Variants in AKAP10 observed in about 807,000 individuals in gnomAD.
The protein encoded by AKAP10 is A-kinase anchor protein 10, mitochondrial.
AKAP10 carries 24 observed loss-of-function variants against 80.8 expected under a neutral mutation model. That is an observed-to-expected ratio of 0.30 (90% confidence interval 0.22 to 0.42). The LOEUF (loss-of-function observed/expected upper bound fraction) is 0.42, where lower values mean the gene tolerates loss of function less well. Ranked by LOEUF, AKAP10 falls within the 10% of genes least tolerant of loss-of-function variation. AKAP10 has a pLI of 1.00. For synonymous variants in AKAP10, 291 were observed against 277.7 expected, an observed-to-expected ratio of 1.05 and a Z score of -0.48; for missense variants, 661 against 794.9, an observed-to-expected ratio of 0.83 and a Z score of 2.03.
At chr17:19,917,005 C>A (rs1246964849) in intron 12 of AKAP10, among the ~76,000 whole-genome samples, 1 of 151,882 alleles carries the variant, frequency 6.6e-6, no homozygotes, top group Non-Finnish European at 1.5e-5. Flanking sequence ...TGGCTCACGC[C>A]TGTAACTCCA....
chr17:19,947,346 A>C, intron 5 of AKAP10, 61 bp downstream of exon 5: 1 of 1,285,740 alleles, frequency 7.8e-7, no homozygotes, highest in Non-Finnish European at 1.1e-6. Flanking sequence ...AATAACGAAA[A>C]TTGTCAGTTC....
At chr17:19,931,754 G>T in intron 10 of AKAP10, 51 bp downstream of exon 10, 1 of 1,540,490 alleles carries the variant, frequency 6.5e-7, no homozygotes, top group African/African-American at 1.4e-5. Context: ...GGATGTGAAG[G>T]AAAGGATGTG....
At chr17:19,967,752 G>A (rs1263456007) in intron 2 of AKAP10, among the ~76,000 whole-genome samples, 27 of 152,032 alleles carry the variant, frequency 1.8e-4, no homozygotes, top group Admixed American at 1.6e-3. Flanking sequence ...GCATGGTGGC[G>A]GCCACCTGTA....
intron 3 of AKAP10, 59 bp from the exon 4 acceptor site, chr17:19,958,630 A>G: frequency 6.2e-6 from 9 of 1,453,472 alleles, no homozygotes; most frequent in Non-Finnish European, 8.3e-6. Context: ...AGATTGACAG[A>G]TTAGTCAATC....
rs751945758 is a variant in AKAP10 at position 19,941,866 on chromosome 17, C to A, written c.1021G>T (p.Val341Phe). 1.2e-6 allele frequency: 2 copies of A among 1,610,460 alleles called. No individual in the cohort carries two copies. The highest frequency in any genetic ancestry group is 1.7e-6 in the Non-Finnish European group (2 of 1,178,356). ...CTAAAGACTATGGACTGTGCCAAAA[C>A]GAAACAGTTGGGATCCACCTGTCCA... ...EDGQVDPNCF[V>F]LAQSIVFSAM... Residue 341 changes from valine to phenylalanine, a missense_variant, in exon 6 of 15, where the codon GTT becomes TTT. Physicochemically the swap from Val to Phe is conservative, Grantham distance 50. Coordinates refer to ENST00000225737, the MANE Select transcript of AKAP10 (RefSeq NM_007202.4).
rs1327455850 is a variant in AKAP10 at position 19,926,735 on chromosome 17, C to A, written c.1642-2218G>T. ...CCCAAGGAGGTGAAAGGCTTCTACT[C>A]TGAAAACTACAAAATTCTGCTGAAA... On this transcript the variant is annotated intron_variant, in intron 10 of 14. Transcript: ENST00000225737. Among the ~76,000 whole-genome samples the A allele has an allele frequency of 3.3e-5, 5 of 152,228 alleles. No homozygotes were observed. The East Asian group carries it at 9.6e-4, about 29-fold the overall frequency.
In AKAP10 at chr17:19,917,163, G is replaced by A. The variant is rs144691897; in HGVS notation, c.1834+2873C>T. On this transcript the variant is annotated intron_variant, in intron 12 of 14. Coordinates refer to ENST00000225737, the MANE Select transcript of AKAP10 (RefSeq NM_007202.4). ...ACCTGTAGTCCCAGCTACTTGGGAG[G>A]CTGAGGCAGGAGAATGGTGTGAACC... 2.6e-3 allele frequency among the ~76,000 whole-genome samples: 398 copies of A among 151,604 alleles called. 14 individuals carry two copies. The East Asian group carries it at 0.073, about 28-fold the overall frequency.
At chr17:19,925,692 T>C (rs2042868840) in intron 10 of AKAP10, among the ~76,000 whole-genome samples, 1 of 152,008 alleles carries the variant, frequency 6.6e-6, no homozygotes, top group African/African-American at 2.4e-5. Context: ...CAGACACTTA[T>C]AGACCTCTCT....
chr17:19,906,573 A>G (rs1045132268), intron 14 of AKAP10, among the ~76,000 whole-genome samples: 1 of 152,214 alleles, frequency 6.6e-6, no homozygotes, highest in Non-Finnish European at 1.5e-5. Flanking sequence ...CCTAGAGCAT[A>G]TTCAAGAGGG....
chr17:19,925,789 G>C (rs916083914), intron 10 of AKAP10, among the ~76,000 whole-genome samples: 2 of 152,146 alleles, frequency 1.3e-5, no homozygotes, highest in African/African-American at 4.8e-5. Flanking sequence ...AAAAAAGAAA[G>C]AGGGACCAGA....
intron 14 of AKAP10, among the ~76,000 whole-genome samples, chr17:19,907,497 A>G (rs2042644054): frequency 6.8e-6 from 1 of 147,422 alleles, no homozygotes; most frequent in African/African-American, 2.5e-5. Context: ...CTGCAACCTC[A>G]ACCTCCACCT....
At chr17:19,949,457 A>G (rs2043173279) in intron 4 of AKAP10, among the ~76,000 whole-genome samples, 1 of 152,146 alleles carries the variant, frequency 6.6e-6, no homozygotes, top group African/African-American at 2.4e-5. Context: ...GAAAAGAGAA[A>G]AAGTGCAATG....
intron 5 of AKAP10, among the ~76,000 whole-genome samples, chr17:19,946,262 TATATATATA>T (rs2043123776): frequency 2.4e-4 from 7 of 29,640 alleles, no homozygotes; most frequent in African/African-American, 9.9e-4. Flanking sequence ...TATATATATA[TATATATATA>T]TATATTTTTT....
intron 4 of AKAP10, among the ~76,000 whole-genome samples, chr17:19,949,323 G>A (rs2043171321): frequency 6.6e-6 from 1 of 151,850 alleles, no homozygotes; most frequent in Admixed American, 6.6e-5. Flanking sequence ...TGAATTTGAA[G>A]ACAGATGAAT....
chr17:19,969,609 C>T (rs1454848961), intron 1 of AKAP10, among the ~76,000 whole-genome samples: 2 of 151,878 alleles, frequency 1.3e-5, no homozygotes, highest in Non-Finnish European at 2.9e-5. Flanking sequence ...AAAACGTGCC[C>T]ATCTCTGTAT....
At chr17:19,923,741 T>C (rs1167363361) in intron 11 of AKAP10, among the ~76,000 whole-genome samples, 3 of 151,872 alleles carry the variant, frequency 2.0e-5, no homozygotes, top group African/African-American at 7.3e-5. Context: ...TTAGCCAGGA[T>C]GGTCTCAATC....
chr17:19,931,308 CATG>C (rs1376729700), intron 10 of AKAP10, among the ~76,000 whole-genome samples: 1 of 151,564 alleles, frequency 6.6e-6, no homozygotes, highest in Non-Finnish European at 1.5e-5. Flanking sequence ...AATGAAACAG[CATG>C]ATACTTTACA....
At chr17:19,927,199 T>C (rs892094874) in intron 10 of AKAP10, among the ~76,000 whole-genome samples, 3 of 152,014 alleles carry the variant, frequency 2.0e-5, no homozygotes, top group African/African-American at 4.8e-5. Context: ...CTGGGTGTGA[T>C]AGTGTGTATC....
At chr17:19,947,637 T>G (rs2043149426) in intron 4 of AKAP10, 132 bp from the exon 5 acceptor site, 1 of 712,920 alleles carries the variant, frequency 1.4e-6, no homozygotes, top group Non-Finnish European at 2.5e-6. Flanking sequence ...ACAAAGGTGC[T>G]TTTTCATTGT....
Sources: gnomAD v4.1 joint callset for allele counts (sites outside exome capture counted in the v4.1 genomes callset) on GRCh38, gnomAD v4.1.1 for gene constraint, MANE v1.5 for transcripts, NCBI Gene and HGNC (gene_info 2026-07-23, HGNC 2026-07-21) for gene names.